MYO16: variants seen among roughly 807,000 people sequenced by gnomAD.
MYO16 encodes the protein myosin XVI, also known as unconventional myosin-XVI.
Under a neutral mutation model 205.3 loss-of-function variants are expected in MYO16, and 94 were observed. The observed-to-expected ratio is 0.46, with a 90% CI of 0.39 to 0.54. The LOEUF (loss-of-function observed/expected upper bound fraction) is 0.54, where lower values mean the gene tolerates loss of function less well. Ranked by LOEUF, MYO16 falls within the 20% of genes least tolerant of loss-of-function variation. The pLI is 0.00. For synonymous variants in MYO16, 988 were observed against 954.0 expected, an observed-to-expected ratio of 1.04 and a Z score of -0.66; for missense variants, 2,315 against 2,387.5, an observed-to-expected ratio of 0.97 and a Z score of 0.63.
the MYO16 span, among the ~76,000 whole-genome samples, chr13:108,534,963 TTCTTTCTTCTCC>T: frequency 2.0e-5 from 3 of 150,030 alleles, no homozygotes; most frequent in African/African-American, 4.9e-5. Flanking sequence ...TCCTTTTTTC[TTCTTTCTTCTCC>T]TCTTTCTTCT....
intron 3 of MYO16, among the ~76,000 whole-genome samples, chr13:108,717,588 C>CCACTG (rs1175793089): frequency 6.8e-6 from 1 of 146,560 alleles, no homozygotes; most frequent in Non-Finnish European, 1.5e-5. Context: ...TGAGATCACG[C>CCACTG]CACTGCACTC....
intron 1 of MYO16, among the ~76,000 whole-genome samples, chr13:108,636,034 G>C (rs1313470484): frequency 6.6e-6 from 1 of 151,896 alleles, no homozygotes; most frequent in African/African-American, 2.4e-5. Context: ...GTGATTTAAG[G>C]TAAGAGTTAC....
intron 2 of MYO16, among the ~76,000 whole-genome samples, chr13:108,679,176 T>C (rs1404488601): frequency 1.3e-5 from 2 of 152,162 alleles, no homozygotes; most frequent in African/African-American, 4.8e-5. Flanking sequence ...GTCTTTGTAC[T>C]TGCTGACCCA....
At chr13:108,609,352 C>T (rs895614829) in intron 1 of MYO16, among the ~76,000 whole-genome samples, 1 of 152,164 alleles carries the variant, frequency 6.6e-6, no homozygotes, top group Admixed American at 6.5e-5. Flanking sequence ...TGCTCTGGGC[C>T]ACCACGGTTC....
chr13:108,623,413 A>G (rs1190395596), intron 1 of MYO16, among the ~76,000 whole-genome samples: 1 of 152,196 alleles, frequency 6.6e-6, no homozygotes, highest in Non-Finnish European at 1.5e-5. Flanking sequence ...CTCAAAGAAA[A>G]TTAGCAACAA....
intron 33 of MYO16, among the ~76,000 whole-genome samples, chr13:109,177,365 G>C (rs1281565759): frequency 6.6e-6 from 1 of 152,152 alleles, no homozygotes; most frequent in East Asian, 1.9e-4. Flanking sequence ...TTATGCAGCG[G>C]TTGCTCATAA....
intron 34 of MYO16, among the ~76,000 whole-genome samples, chr13:109,181,968 C>A (rs1879475071): frequency 6.6e-6 from 1 of 151,598 alleles, no homozygotes; most frequent in African/African-American, 2.4e-5. Flanking sequence ...TACAGGTGTG[C>A]ACCACCACAC....
intron 31 of MYO16, among the ~76,000 whole-genome samples, chr13:109,136,211 AG>A (rs1377283817): frequency 6.6e-6 from 1 of 152,004 alleles, no homozygotes; most frequent in Non-Finnish European, 1.5e-5. Flanking sequence ...CTCCTGCCTC[AG>A]CCTCCCAAGT....
chr13:109,071,279 T>C (rs1458413366), intron 27 of MYO16, among the ~76,000 whole-genome samples: 1 of 152,164 alleles, frequency 6.6e-6, no homozygotes, highest in Non-Finnish European at 1.5e-5. Flanking sequence ...CCAACTACTG[T>C]CTCTACAGTT....
the MYO16 span, among the ~76,000 whole-genome samples, chr13:108,591,141 C>T: frequency 1.6e-4 from 25 of 152,266 alleles, no homozygotes; most frequent in African/African-American, 5.3e-4. Flanking sequence ...CCAGGTCCCT[C>T]ACCTCATCTC....
the MYO16 span, among the ~76,000 whole-genome samples, chr13:108,526,629 G>A: frequency 2.6e-5 from 4 of 152,128 alleles, no homozygotes; most frequent in Admixed American, 1.3e-4. Context: ...TTAAATTATA[G>A]TTAAAAAGAA....
intron 4 of MYO16, among the ~76,000 whole-genome samples, chr13:108,784,351 T>C (rs1331387364): frequency 3.9e-5 from 6 of 152,140 alleles, no homozygotes; most frequent in Non-Finnish European, 7.3e-5. Flanking sequence ...CTGAAATATA[T>C]GACTTGCTTT....
intron 4 of MYO16, among the ~76,000 whole-genome samples, chr13:108,776,438 G>A (rs1393061807): frequency 6.6e-6 from 1 of 152,118 alleles, no homozygotes; most frequent in African/African-American, 2.4e-5. Context: ...CACCTCCTTG[G>A]TATAGTTAGC....
chr13:108,607,496 T>A (rs1410423487), intron 1 of MYO16, among the ~76,000 whole-genome samples: 1 of 152,150 alleles, frequency 6.6e-6, no homozygotes, highest in Non-Finnish European at 1.5e-5. Flanking sequence ...ACTTCTCCTG[T>A]GCCATATGAA....
intron 23 of MYO16, among the ~76,000 whole-genome samples, chr13:109,039,828 G>A (rs555741253): frequency 1.4e-4 from 22 of 151,934 alleles, no homozygotes; most frequent in Admixed American, 1.2e-3. Context: ...AATGGAAACC[G>A]ATGACAAAAA....
intron 4 of MYO16, among the ~76,000 whole-genome samples, chr13:108,756,848 C>A (rs539045114): frequency 6.6e-6 from 1 of 152,228 alleles, no homozygotes; most frequent in East Asian, 1.9e-4. Context: ...CAAGTTGACA[C>A]GTAATTAACC....
chr13:108,528,739 C>T, the MYO16 span, among the ~76,000 whole-genome samples: 7 of 121,952 alleles, frequency 5.7e-5, no homozygotes, highest in African/African-American at 2.1e-4. Context: ...CCTTCACCTC[C>T]CCTCACCTCC....
chr13:109,146,954 AC>A (rs1289821848), intron 32 of MYO16, among the ~76,000 whole-genome samples: 2 of 151,990 alleles, frequency 1.3e-5, no homozygotes, highest in East Asian at 1.9e-4. Flanking sequence ...GAAGAAAAAA[AC>A]ATTTATTCTT....
chr13:108,924,297 C>T (rs746347429), intron 16 of MYO16, among the ~76,000 whole-genome samples: 9 of 152,292 alleles, frequency 5.9e-5, no homozygotes, highest in Non-Finnish European at 8.8e-5. Flanking sequence ...CCAATCTAAA[C>T]GAAGCTTCCA....
Sources: gnomAD v4.1 joint callset for allele counts (sites outside exome capture counted in the v4.1 genomes callset) on GRCh38, gnomAD v4.1.1 for gene constraint, MANE v1.5 for transcripts, NCBI Gene and HGNC (gene_info 2026-07-23, HGNC 2026-07-21) for gene names.